Variants in SPACDR observed in about 807,000 individuals in gnomAD.
SPACDR encodes the protein uncharacterized protein C7orf61.
At chr7:100,459,001 C>CTTTTT in the SPACDR span, among the ~76,000 whole-genome samples, 2 of 135,284 alleles carry the variant, frequency 1.5e-5, no homozygotes, top group Admixed American at 7.5e-5. Flanking sequence ...TCCTTTTTAC[C>CTTTTT]TTTTTTTTTT....
the SPACDR span, chr7:100,464,083 G>A: frequency 2.6e-6 from 4 of 1,516,852 alleles, no homozygotes; most frequent in South Asian, 1.2e-5. Flanking sequence ...GTACGGTGGG[G>A]GTGGCGGGTG....
At chr7:100,457,598 C>T in the SPACDR span, among the ~76,000 whole-genome samples, 6 of 142,934 alleles carry the variant, frequency 4.2e-5, no homozygotes, top group East Asian at 2.1e-4. Context: ...GGATTACAGG[C>T]GTGAGCCACC....
At chr7:100,458,951 CAA>C in the SPACDR span, among the ~76,000 whole-genome samples, 1 of 151,350 alleles carries the variant, frequency 6.6e-6, no homozygotes, top group Non-Finnish European at 1.5e-5. Flanking sequence ...AAATTTCCCT[CAA>C]GATTCACACC....
At chr7:100,462,046 T>C in the SPACDR span, among the ~76,000 whole-genome samples, 1 of 149,802 alleles carries the variant, frequency 6.7e-6, no homozygotes, top group South Asian at 2.1e-4. Flanking sequence ...CATGCCTCTC[T>C]CCTGGGGTCC....
At chr7:100,460,437 A>C in the SPACDR span, among the ~76,000 whole-genome samples, 1 of 151,942 alleles carries the variant, frequency 6.6e-6, no homozygotes, top group African/African-American at 2.4e-5. Context: ...CTAAAAATAC[A>C]AAAGTTAGTC....
chr7:100,458,983 A>G, the SPACDR span, among the ~76,000 whole-genome samples: 1 of 151,896 alleles, frequency 6.6e-6, no homozygotes, highest in African/African-American at 2.4e-5. Flanking sequence ...GTGTGTATCA[A>G]TAGTTTGTCC....
chr7:100,463,273 C>T, the SPACDR span: 6 of 1,120,044 alleles, frequency 5.4e-6, no homozygotes, highest in South Asian at 9.0e-5. Context: ...TGCACCAGGC[C>T]AGGAAACAAT....
the SPACDR span, among the ~76,000 whole-genome samples, chr7:100,461,265 T>G: frequency 6.6e-6 from 1 of 151,930 alleles, no homozygotes; most frequent in Non-Finnish European, 1.5e-5. Flanking sequence ...TGTTTTTGTT[T>G]TTAGTAGAGA....
chr7:100,457,183 T>TA, the SPACDR span, among the ~76,000 whole-genome samples: 145 of 151,678 alleles, frequency 9.6e-4, no homozygotes, highest in African/African-American at 3.4e-3. Flanking sequence ...TTTTTTTTTT[T>TA]AATGAGACGG....
the SPACDR span, chr7:100,463,347 T>C: frequency 6.5e-7 from 1 of 1,550,244 alleles, no homozygotes; most frequent in South Asian, 1.2e-5. Context: ...GGAGGGGGTG[T>C]TAGGATGGTG....
At chr7:100,461,831 T>C in the SPACDR span, among the ~76,000 whole-genome samples, 3 of 151,098 alleles carry the variant, frequency 2.0e-5, no homozygotes, top group Admixed American at 6.6e-5. Context: ...CTACTAAAAA[T>C]ACAAAAAAAA....
chr7:100,459,163 C>G, the SPACDR span, among the ~76,000 whole-genome samples: 82 of 147,778 alleles, frequency 5.5e-4, no homozygotes, highest in East Asian at 0.014. Context: ...GCCACCACGC[C>G]TGGCTAATTT....
the SPACDR span, among the ~76,000 whole-genome samples, chr7:100,457,441 C>G: frequency 2.0e-5 from 3 of 151,364 alleles, no homozygotes; most frequent in African/African-American, 7.3e-5. Context: ...GCCTCAGGCT[C>G]CTGAGTAGCT....
chr7:100,456,910 G>A, the SPACDR span: 2 of 1,613,680 alleles, frequency 1.2e-6, no homozygotes, highest in Non-Finnish European at 1.7e-6. Context: ...ACCTCCCACA[G>A]CAACTCAGCC....
At chr7:100,459,714 C>T in the SPACDR span, among the ~76,000 whole-genome samples, 1 of 152,232 alleles carries the variant, frequency 6.6e-6, no homozygotes, top group Non-Finnish European at 1.5e-5. Context: ...ATGCTTCTGC[C>T]TGGTGTTTCA....
the SPACDR span, among the ~76,000 whole-genome samples, chr7:100,460,926 C>T: frequency 6.6e-6 from 1 of 152,176 alleles, no homozygotes; most frequent in South Asian, 2.1e-4. Context: ...TTGATCATGT[C>T]ACTCCTCTGC....
At chr7:100,463,310 G>T in the SPACDR span, 2 of 1,391,746 alleles carry the variant, frequency 1.4e-6, no homozygotes, top group Non-Finnish European at 2.0e-6. Flanking sequence ...AGAGGGAGGG[G>T]TGAGTCACTG....
chr7:100,456,824 G>A, the SPACDR span: 227 of 1,613,294 alleles, frequency 1.4e-4, 1 homozygote, highest in South Asian at 4.1e-4. Flanking sequence ...GGCATCGGAC[G>A]TGGTGCCGTC....
At chr7:100,456,876 C>G in the SPACDR span, 5 of 1,613,596 alleles carry the variant, frequency 3.1e-6, no homozygotes, top group Non-Finnish European at 4.2e-6. Flanking sequence ...CAGGTGTTTC[C>G]GAACGGCCCA....
Sources: allele counts gnomAD v4.1 joint callset (sites outside exome capture counted in the v4.1 genomes callset), GRCh38; gene constraint gnomAD v4.1.1; transcripts MANE v1.5; gene names NCBI Gene and HGNC (gene_info 2026-07-23, HGNC 2026-07-21).